Variants in DYNC1I1 observed in about 807,000 individuals in gnomAD.
DYNC1I1 encodes the protein dynein cytoplasmic 1 intermediate chain 1.
A neutral mutation model predicts 86.6 loss-of-function variants in DYNC1I1; 43 were observed. The observed-to-expected ratio is 0.50, with a 90% CI of 0.39 to 0.64. DYNC1I1 has a LOEUF of 0.64. DYNC1I1 is among the 30% of genes least tolerant of loss of function. DYNC1I1 has a pLI of 0.00. For synonymous variants in DYNC1I1, 262 were observed against 283.7 expected (o/e 0.92, Z 0.77); for missense variants, 604 against 788.8 (o/e 0.77, Z 2.81).
intron 10 of DYNC1I1, among the ~76,000 whole-genome samples, chr7:96,020,140 G>C (rs1347356974): frequency 6.6e-6 from 1 of 151,568 alleles, no homozygotes; most frequent in African/African-American, 2.4e-5. Context: ...GTTGGTGGGG[G>C]ACATGGAGAA....
intron 1 of DYNC1I1, among the ~76,000 whole-genome samples, chr7:95,793,770 T>C (rs1418408991): frequency 2.0e-5 from 3 of 152,218 alleles, no homozygotes; most frequent in Non-Finnish European, 4.4e-5. Context: ...TAGGGACCAA[T>C]GTCCAGGGGC....
intron 11 of DYNC1I1, among the ~76,000 whole-genome samples, chr7:96,030,344 G>A (rs1305923388): frequency 9.2e-6 from 1 of 108,724 alleles, no homozygotes; most frequent in East Asian, 3.7e-4. Context: ...GTGTGTGTGT[G>A]TGTGTGTGTG....
At chr7:96,049,533 T>C (rs1306887300) in intron 14 of DYNC1I1, among the ~76,000 whole-genome samples, 1 of 152,020 alleles carries the variant, frequency 6.6e-6, no homozygotes, top group African/African-American at 2.4e-5. Context: ...TAACTTGGAG[T>C]CATCTTATCA....
intron 14 of DYNC1I1, among the ~76,000 whole-genome samples, chr7:96,072,677 A>G (rs112116452): frequency 6.8e-4 from 103 of 152,346 alleles, no homozygotes; most frequent in African/African-American, 2.4e-3. Context: ...GTGGTAAAGC[A>G]CAAGCAAGCT....
intron 14 of DYNC1I1, among the ~76,000 whole-genome samples, chr7:96,074,316 A>G (rs972087970): frequency 1.3e-5 from 2 of 152,080 alleles, no homozygotes; most frequent in Non-Finnish European, 2.9e-5. Flanking sequence ...TTGGGAGGCC[A>G]AGACGGGCGG....
intron 9 of DYNC1I1, among the ~76,000 whole-genome samples, chr7:95,991,320 G>C (rs1793724715): frequency 6.6e-6 from 1 of 152,112 alleles, no homozygotes; most frequent in Non-Finnish European, 1.5e-5. Context: ...ACTACAACCT[G>C]ATGTCTATTG....
chr7:95,899,206 A>G (rs1790969862), intron 6 of DYNC1I1, among the ~76,000 whole-genome samples: 2 of 152,218 alleles, frequency 1.3e-5, no homozygotes, highest in Non-Finnish European at 2.9e-5. Context: ...GAAGCCCTGT[A>G]GAATTGTAAA....
intron 3 of DYNC1I1, 153 bp from the exon 4 acceptor site, chr7:95,813,094 T>C (rs1794865667): frequency 4.3e-6 from 2 of 469,940 alleles, no homozygotes; most frequent in Non-Finnish European, 5.5e-6. Flanking sequence ...TTTTCTTTCC[T>C]TTTTTTTTTT....
intron 4 of DYNC1I1, among the ~76,000 whole-genome samples, chr7:95,822,687 A>G (rs1199543966): frequency 6.6e-6 from 1 of 152,232 alleles, no homozygotes; most frequent in African/African-American, 2.4e-5. Flanking sequence ...CAGAGATCCC[A>G]CCTAGACAGA....
intron 10 of DYNC1I1, among the ~76,000 whole-genome samples, chr7:96,005,179 T>C (rs1794111300): frequency 6.6e-6 from 1 of 152,044 alleles, no homozygotes; most frequent in South Asian, 2.1e-4. Flanking sequence ...TGTAAAGAGG[T>C]TGTGTTACAG....
intron 10 of DYNC1I1, among the ~76,000 whole-genome samples, chr7:96,015,346 A>C (rs997728822): frequency 2.0e-5 from 3 of 152,166 alleles, no homozygotes; most frequent in Non-Finnish European, 4.4e-5. Context: ...TTCAGAATAG[A>C]ATCCTACAGA....
intron 16 of DYNC1I1, among the ~76,000 whole-genome samples, chr7:96,086,805 G>A (rs866370034): frequency 6.6e-6 from 1 of 151,978 alleles, no homozygotes; most frequent in Non-Finnish European, 1.5e-5. Flanking sequence ...AAGCCAAAAC[G>A]AAAAATCAAG....
At chr7:96,108,836 T>C (rs7787514) in intron 16 of DYNC1I1, among the ~76,000 whole-genome samples, 30,415 of 147,040 alleles carry the variant, frequency 0.21, 3,446 homozygotes, top group African/African-American at 0.29. Flanking sequence ...ACTCCAGCCT[T>C]GGCGACAGAG....
chr7:96,077,374 A>G (rs952162608), intron 15 of DYNC1I1, among the ~76,000 whole-genome samples: 1 of 152,116 alleles, frequency 6.6e-6, no homozygotes, highest in Non-Finnish European at 1.5e-5. Context: ...GTTATCTTTT[A>G]AAAATCTTTC....
intron 10 of DYNC1I1, among the ~76,000 whole-genome samples, chr7:96,021,906 T>C (rs991578052): frequency 6.6e-6 from 1 of 152,204 alleles, no homozygotes; most frequent in Non-Finnish European, 1.5e-5. Flanking sequence ...CATTCCTCAG[T>C]TGAGGGACAT....
chr7:95,854,857 C>G (rs1789674814), intron 5 of DYNC1I1, among the ~76,000 whole-genome samples: 1 of 152,048 alleles, frequency 6.6e-6, no homozygotes, highest in African/African-American at 2.4e-5. Context: ...GGTACAGAAA[C>G]AGATGAATTG....
rs562721471 is a variant in DYNC1I1, at chr7:96,061,395, G to T, written c.1510-14662G>T. ...GCTCGGGAAGAGGTAAAAATTACTTGACAGTGTCTCTGGACTCTCACCCAT... is the reference window on the plus strand; with the variant it reads ...GCTCGGGAAGAGGTAAAAATTACTTTACAGTGTCTCTGGACTCTCACCCAT... On this transcript the variant is annotated intron_variant, in intron 14 of 16. Transcript: ENST00000447467. Among the ~76,000 whole-genome samples the T allele has an allele frequency of 3.3e-5, 5 of 152,252 alleles. No individual in the cohort carries two copies. The East Asian group carries it at 9.7e-4, about 29-fold the overall frequency.
intron 6 of DYNC1I1, among the ~76,000 whole-genome samples, chr7:95,927,063 A>G (rs561398601): frequency 6.6e-6 from 1 of 152,278 alleles, no homozygotes; most frequent in East Asian, 1.9e-4. Flanking sequence ...CTCATGAGCA[A>G]AAACTGCTGT....
chr7:95,780,981 T>C (rs1415191651), intron 1 of DYNC1I1, among the ~76,000 whole-genome samples: 1 of 152,014 alleles, frequency 6.6e-6, no homozygotes, highest in African/African-American at 2.4e-5. Context: ...GGTGTGTATT[T>C]TGTGGAAGAA....
Sources: allele counts gnomAD v4.1 joint callset (sites outside exome capture counted in the v4.1 genomes callset), GRCh38; gene constraint gnomAD v4.1.1; transcripts MANE v1.5; gene names NCBI Gene and HGNC (gene_info 2026-07-23, HGNC 2026-07-21).